SLC49A4: variants seen among roughly 807,000 people sequenced by gnomAD.
The protein encoded by SLC49A4 is disrupted in renal cancer protein 2.
In SLC49A4, 36 loss-of-function variants were observed where a neutral mutation model predicts 50.6. That is an observed-to-expected ratio of 0.71 (90% CI 0.55 to 0.94). The LOEUF (loss-of-function observed/expected upper bound fraction) is 0.94. Ranked by LOEUF, SLC49A4 falls within the 40% of genes least tolerant of loss-of-function variation. SLC49A4 has a pLI of 0.00. For synonymous variants in SLC49A4, 248 were observed against 241.2 expected (o/e 1.03, Z -0.26); for missense variants, 503 against 605.7 (o/e 0.83, Z 1.78).
intron 8 of SLC49A4, among the ~76,000 whole-genome samples, chr3:122,875,254 CAT>C (rs1183688637): frequency 6.6e-6 from 1 of 152,164 alleles, no homozygotes; most frequent in Non-Finnish European, 1.5e-5. Flanking sequence ...AGCCAGTGTT[CAT>C]ATGTCATTAT....
intron 7 of SLC49A4, among the ~76,000 whole-genome samples, chr3:122,860,533 A>G (rs969053257): frequency 6.6e-6 from 1 of 152,176 alleles, no homozygotes; most frequent in Non-Finnish European, 1.5e-5. Flanking sequence ...ACTGTTAAAT[A>G]ATAATAATAA....
intron 2 of SLC49A4, among the ~76,000 whole-genome samples, chr3:122,826,096 T>C (rs1164798169): frequency 6.6e-6 from 1 of 152,232 alleles, no homozygotes; most frequent in Non-Finnish European, 1.5e-5. Context: ...CAACTTCAGC[T>C]GATCTCCTCA....
chr3:122,805,458 C>A (rs1175173151), intron 1 of SLC49A4, among the ~76,000 whole-genome samples: 2 of 151,734 alleles, frequency 1.3e-5, no homozygotes, highest in African/African-American at 4.8e-5. Context: ...GAGAGTAGCT[C>A]TTTAAAAACC....
At chr3:122,804,392 A>C (rs1481199276) in intron 1 of SLC49A4, among the ~76,000 whole-genome samples, 1 of 152,224 alleles carries the variant, frequency 6.6e-6, no homozygotes, top group African/African-American at 2.4e-5. Flanking sequence ...ATTACATTTC[A>C]ACGTGAGACC....
chr3:122,806,105 G>A (rs1936214197), intron 1 of SLC49A4, among the ~76,000 whole-genome samples: 1 of 152,032 alleles, frequency 6.6e-6, no homozygotes, highest in Admixed American at 6.6e-5. Flanking sequence ...TTTGAGAAAA[G>A]TTAAGGCAGT....
chr3:122,846,191 A>G (rs1479864355), intron 5 of SLC49A4, among the ~76,000 whole-genome samples: 2 of 152,192 alleles, frequency 1.3e-5, no homozygotes, highest in Admixed American at 1.3e-4. Flanking sequence ...TTAAGATCCC[A>G]TCATCAAATA....
intron 4 of SLC49A4, among the ~76,000 whole-genome samples, chr3:122,840,928 T>A (rs1321024130): frequency 6.6e-6 from 1 of 152,244 alleles, no homozygotes; most frequent in Non-Finnish European, 1.5e-5. Context: ...CTAACACTTC[T>A]GTAGAATACT....
intron 2 of SLC49A4, among the ~76,000 whole-genome samples, chr3:122,818,804 C>T (rs533862637): frequency 1.0e-3 from 154 of 151,836 alleles, no homozygotes; most frequent in African/African-American, 3.4e-3. Flanking sequence ...ATTAGCCGGG[C>T]GTGGTGGGGT....
In SLC49A4 at chr3:122,806,864, G is replaced by A. The variant is rs140022464; in HGVS notation, c.351G>A (p.Arg117=). 1 of 1,602,158 alleles carries A rather than the reference G, an allele frequency of 6.2e-7. No individual in the cohort carries two copies. The highest frequency in any genetic ancestry group is 1.3e-5 in the African/African-American group (1 of 74,550). Residue 117 remains arginine (R), a synonymous_variant, in exon 2 of 9, where the codon CGG becomes CGA. Transcript: ENST00000261038. ...GTCTTTGTTTCATTTTAGGTCTCCGGATAACTGTGCTCCTGACATCCTTCC... is the reference window on the plus strand; with the variant it reads ...GTCTTTGTTTCATTTTAGGTCTCCGAATAACTGTGCTCCTGACATCCTTCC... ...FMWLLDKRGL[R]ITVLLTSFLM...
At chr3:122,817,447 G>A (rs1936386259) in intron 2 of SLC49A4, among the ~76,000 whole-genome samples, 1 of 152,180 alleles carries the variant, frequency 6.6e-6, no homozygotes. Context: ...TTATGGAACT[G>A]TAAGATGACG....
intron 7 of SLC49A4, among the ~76,000 whole-genome samples, chr3:122,865,512 G>C (rs1937107361): frequency 6.6e-6 from 1 of 152,178 alleles, no homozygotes. Flanking sequence ...GTACAGCTCA[G>C]TGATATAGAA....
rs1937334726 is a variant in SLC49A4, at chr3:122,881,119, A to G, written c.*1741A>G. On this transcript the variant is annotated 3_prime_UTR_variant, in exon 9 of 9. Transcript: ENST00000261038. ...CAGTTAATTCTGTTATTCTTCTGAA[A>G]TAAAAATGAAATAAAAGGAAGGCAG... 1 of 152,162 alleles carries G rather than the reference A, an allele frequency of 6.6e-6. No individual in the cohort carries two copies. Among genetic ancestry groups the G allele is most frequent in the South Asian group, 2.1e-4 (1 of 4,834 alleles). The allele number at this position is 152,162 out of a possible 1,614,324, so 9.4% of individuals were successfully genotyped here. A position where few individuals can be genotyped will look rare whatever the true frequency, so the allele number is the denominator to read the frequency against.
intron 5 of SLC49A4, among the ~76,000 whole-genome samples, chr3:122,855,884 A>G (rs1303071257): frequency 1.3e-5 from 2 of 151,872 alleles, no homozygotes; most frequent in Admixed American, 6.6e-5. Flanking sequence ...TTCTCTGTCT[A>G]CTCTCTTGCT....
rs553078015 is a variant in SLC49A4, at chr3:122,878,942, A to G, written c.1322-321A>G. The stretch of plus-strand genomic sequence containing the variant: ...GATGATAGAGGGTACTTAAAAAATA[A>G]TTATCAAACTAACATTTAAAGGTGA... On this transcript the variant is annotated intron_variant, in intron 8 of 8. Coordinates refer to ENST00000261038, the MANE Select transcript of SLC49A4 (RefSeq NM_032839.3). Among the ~76,000 whole-genome samples, 15 of 152,348 alleles carry G rather than the reference A, an allele frequency of 9.8e-5. No individual in the cohort carries two copies. In the South Asian group the frequency reaches 2.9e-3, roughly 29 times the overall value.
At chr3:122,819,343 A>C (rs1280899263) in intron 2 of SLC49A4, among the ~76,000 whole-genome samples, 2 of 152,132 alleles carry the variant, frequency 1.3e-5, no homozygotes, top group East Asian at 1.9e-4. Context: ...ATGGTTAATA[A>C]ATTTAGTTAA....
chr3:122,813,399 G>A (rs1022543183), intron 2 of SLC49A4, among the ~76,000 whole-genome samples: 5 of 151,490 alleles, frequency 3.3e-5, no homozygotes, highest in South Asian at 4.2e-4. Context: ...TTTCTTGTTC[G>A]GTACATCATA....
At chr3:122,874,124 A>AACACATTTTTGTTGATCAGTTTGAG (rs1937232294) in intron 8 of SLC49A4, among the ~76,000 whole-genome samples, 2 of 152,232 alleles carry the variant, frequency 1.3e-5, no homozygotes, top group Non-Finnish European at 2.9e-5. Context: ...GGATATAACA[A>AACACATTTTTGTTGATCAGTTTGAG]ACACATTTTT....
chr3:122,856,124 A>G (rs1414060051), intron 5 of SLC49A4, among the ~76,000 whole-genome samples, 183 bp from the exon 6 acceptor site: 1 of 152,230 alleles, frequency 6.6e-6, no homozygotes, highest in African/African-American at 2.4e-5. Context: ...TTTTGTTTTC[A>G]ATATTCCAAT....
intron 7 of SLC49A4, 125 bp from the exon 8 acceptor site, chr3:122,872,290 A>G: frequency 1.2e-6 from 1 of 803,794 alleles, no homozygotes; most frequent in East Asian, 2.5e-5. Flanking sequence ...GTCAAACTTT[A>G]TCAACTACCT....
Sources: allele counts gnomAD v4.1 joint callset (sites outside exome capture counted in the v4.1 genomes callset), GRCh38; gene constraint gnomAD v4.1.1; transcripts MANE v1.5; gene names NCBI Gene and HGNC (gene_info 2026-07-23, HGNC 2026-07-21).